Variants in PRKG1 observed in about 807,000 individuals in gnomAD.
The protein encoded by PRKG1 is protein kinase cGMP-dependent 1, also known as cGMP-dependent protein kinase 1.
PRKG1 carries 35 observed loss-of-function variants against 88.1 expected under a neutral mutation model. The ratio of observed to expected loss-of-function variants is 0.40; its 90% confidence interval spans 0.30 to 0.53. The LOEUF is 0.53. PRKG1 is among the 20% of genes least tolerant of loss of function. PRKG1 has a pLI of 0.59. For missense variants in PRKG1, 540 were observed against 839.8 expected (o/e 0.64, Z 4.41); for synonymous variants, 303 against 292.5 (o/e 1.04, Z -0.37).
At chr10:52,228,899 A>G (rs1041668937) in intron 9 of PRKG1, among the ~76,000 whole-genome samples, 5 of 152,314 alleles carry the variant, frequency 3.3e-5, no homozygotes, top group African/African-American at 1.2e-4. Flanking sequence ...GTGAATTCCA[A>G]TGGCTTATCA....
chr10:52,101,769 A>G (rs201699894), intron 7 of PRKG1, among the ~76,000 whole-genome samples: 1 of 152,204 alleles, frequency 6.6e-6, no homozygotes, highest in Non-Finnish European at 1.5e-5. Context: ...CAGAGGTTGT[A>G]TTAGTTTCCT....
At position 51,638,900 on chromosome 10, in the gene PRKG1, A is replaced by G. The variant is rs532221303; in HGVS notation, c.593-165685A>G. On this transcript the variant is annotated intron_variant, in intron 3 of 17. Coordinates refer to ENST00000373980, the MANE Select transcript of PRKG1 (RefSeq NM_006258.4). ...AATGAATGAAAATGAAATACCTTAA[A>G]TGGCCCATAGGGACAGACAAGGACA... Among the ~76,000 whole-genome samples, 124 of 152,344 alleles carry G rather than the reference A, an allele frequency of 8.1e-4. 1 individual carries two copies. Among genetic ancestry groups the G allele is most frequent in the African/African-American group, 2.9e-3 (119 of 41,584 alleles).
At chr10:51,282,879 G>T (rs1840336712) in intron 2 of PRKG1, among the ~76,000 whole-genome samples, 1 of 151,962 alleles carries the variant, frequency 6.6e-6, no homozygotes, top group East Asian at 1.9e-4. Flanking sequence ...TTAGATTTGG[G>T]GGGTACATGT....
At chr10:51,079,416 G>T (rs1844049507) in intron 1 of PRKG1, among the ~76,000 whole-genome samples, 1 of 152,150 alleles carries the variant, frequency 6.6e-6, no homozygotes, top group Admixed American at 6.5e-5. Context: ...TATGATTTAG[G>T]TGAGTGGAAA....
intron 2 of PRKG1, among the ~76,000 whole-genome samples, chr10:51,404,975 A>G (rs555946110): frequency 6.0e-4 from 92 of 152,298 alleles, no homozygotes; most frequent in African/African-American, 2.2e-3. Flanking sequence ...AAAAAAAATC[A>G]CAAAGTTCTC....
intron 3 of PRKG1, among the ~76,000 whole-genome samples, chr10:51,553,329 G>A (rs542302445): frequency 1.8e-3 from 266 of 151,518 alleles, no homozygotes; most frequent in Admixed American, 3.3e-3. Flanking sequence ...ATACTTCTGG[G>A]GCCAGTTATT....
rs541410346 is a variant in PRKG1, at chr10:51,741,146, A to G, written c.593-63439A>G. 1.1e-4 allele frequency among the ~76,000 whole-genome samples: 11 copies of G among 96,348 alleles called. No individual in the cohort carries two copies. In the East Asian group the frequency reaches 3.4e-3, roughly 30 times the overall value. 63.2% of individuals were successfully genotyped at this position (96,348 alleles called of 152,430 possible). A position where few individuals can be genotyped will look rare whatever the true frequency, so the allele number is the denominator to read the frequency against. On this transcript the variant is annotated intron_variant, in intron 3 of 17. Transcript: ENST00000373980. ...GTGGATCTGAATGAAACCTTTGGTG[A>G]AAAAAAAAAGACATTGAAATAACTA...
intron 5 of PRKG1, among the ~76,000 whole-genome samples, chr10:51,969,801 T>C (rs759252081): frequency 6.6e-5 from 10 of 152,016 alleles, no homozygotes; most frequent in Non-Finnish European, 1.5e-4. Context: ...GCAGGATCTC[T>C]TATACTCTGC....
At chr10:52,096,771 T>A (rs1225149929) in intron 7 of PRKG1, among the ~76,000 whole-genome samples, 1 of 152,134 alleles carries the variant, frequency 6.6e-6, no homozygotes. Flanking sequence ...TAAAATTGAG[T>A]CATTTTACTA....
chr10:51,549,125 T>C (rs1392155216), intron 3 of PRKG1, among the ~76,000 whole-genome samples: 49 of 112,460 alleles, frequency 4.4e-4, no homozygotes, highest in African/African-American at 1.2e-3. Flanking sequence ...CTTTTCTTTT[T>C]TTTTTTTTTT....
At chr10:51,701,355 G>T (rs751192434) in intron 3 of PRKG1, among the ~76,000 whole-genome samples, 9 of 152,150 alleles carry the variant, frequency 5.9e-5, no homozygotes, top group Non-Finnish European at 1.3e-4. Flanking sequence ...GATTTGACAT[G>T]AGTATGATGG....
chr10:50,997,992 G>C (rs555455389), intron 1 of PRKG1, among the ~76,000 whole-genome samples: 1 of 152,222 alleles, frequency 6.6e-6, no homozygotes, highest in East Asian at 1.9e-4. Flanking sequence ...ATCCAAATCA[G>C]TTTCCTATGG....
intron 4 of PRKG1, among the ~76,000 whole-genome samples, chr10:51,893,855 C>CT (rs916565560): frequency 3.3e-5 from 5 of 151,886 alleles, no homozygotes; most frequent in South Asian, 2.1e-4. Flanking sequence ...GATTCAAAGC[C>CT]TTTTTTTTCC....
chr10:51,175,564 A>G (rs1837170004), intron 2 of PRKG1, among the ~76,000 whole-genome samples: 1 of 152,012 alleles, frequency 6.6e-6, no homozygotes, highest in South Asian at 2.1e-4. Context: ...AACCTCATTC[A>G]AATCCTTTCC....
At chr10:51,388,188 T>C (rs1837300356) in intron 2 of PRKG1, among the ~76,000 whole-genome samples, 1 of 152,216 alleles carries the variant, frequency 6.6e-6, no homozygotes, top group South Asian at 2.1e-4. Context: ...ACACTTTCTT[T>C]TCATTAGTAA....
intron 1 of PRKG1, among the ~76,000 whole-genome samples, chr10:51,125,572 C>T (rs978829706): frequency 5.2e-4 from 78 of 149,156 alleles, no homozygotes; most frequent in African/African-American, 1.9e-3. Flanking sequence ...ATCCCAGCTA[C>T]TTGGGAGGGT....
intron 7 of PRKG1, among the ~76,000 whole-genome samples, chr10:52,079,493 A>G (rs2133301287): frequency 1.3e-5 from 2 of 152,270 alleles, no homozygotes; most frequent in Admixed American, 1.3e-4. Context: ...ATCATCCTTT[A>G]GGAACCTGAG....
chr10:51,185,640 G>A (rs1387297366), intron 2 of PRKG1, among the ~76,000 whole-genome samples: 1 of 151,808 alleles, frequency 6.6e-6, no homozygotes, highest in Non-Finnish European at 1.5e-5. Context: ...TTTTTTAAAA[G>A]TGTAATTACA....
chr10:52,224,808 C>CATATATATATATATATATAT lies in PRKG1; in HGVS notation c.1077-26750_1077-26731dup, dbSNP rs71032630. Among the ~76,000 whole-genome samples the CATATATATATATATATATAT allele has an allele frequency of 4.0e-3, 428 of 106,228 alleles. 1 individual carries two copies. The highest frequency in any genetic ancestry group is 5.1e-3 in the African/African-American group (137 of 26,724). The allele number at this position is 106,228 out of a possible 152,430, so 69.7% of individuals were successfully genotyped here. ...TTTTTATGGCTGCATAGTATTCCAT[C>CATATATATATATATATATAT]ATATATATATATATATATATATATA... On this transcript the variant is annotated intron_variant, in intron 9 of 17. Transcript: ENST00000373980.
Sources: gnomAD v4.1 joint callset for allele counts (sites outside exome capture counted in the v4.1 genomes callset) on GRCh38, gnomAD v4.1.1 for gene constraint, MANE v1.5 for transcripts, NCBI Gene and HGNC (gene_info 2026-07-23, HGNC 2026-07-21) for gene names.